Variants in BLNK observed in about 807,000 individuals in gnomAD.
BLNK encodes B-cell linker protein.
A neutral mutation model predicts 73.5 loss-of-function variants in BLNK; 29 were observed. The observed-to-expected ratio is 0.39, with a 90% CI of 0.29 to 0.54. The LOEUF (loss-of-function observed/expected upper bound fraction) is 0.54, where lower values mean the gene tolerates loss of function less well. Ranked by LOEUF, BLNK falls within the 20% of genes least tolerant of loss-of-function variation. The probability of loss-of-function intolerance (pLI) is 0.61; values close to 1 mark genes in which losing one functional copy is unlikely to be tolerated. For synonymous variants in BLNK, 176 were observed against 200.8 expected, an observed-to-expected ratio of 0.88 and a Z score of 1.04; for missense variants, 460 against 562.8, an observed-to-expected ratio of 0.82 and a Z score of 1.85.
chr10:96,234,697 A>T (rs1157054296), intron 3 of BLNK, among the ~76,000 whole-genome samples: 1 of 152,262 alleles, frequency 6.6e-6, no homozygotes, highest in Non-Finnish European at 1.5e-5. Context: ...TGTTACCGTC[A>T]TCTTGAGCAT....
chr10:96,231,367 G>C (rs976692251), intron 3 of BLNK, among the ~76,000 whole-genome samples: 1 of 152,166 alleles, frequency 6.6e-6, no homozygotes, highest in East Asian at 1.9e-4. Flanking sequence ...CAATGTCTTA[G>C]TATGTGCCAG....
At chr10:96,193,109 T>C (rs2083369538) in intron 16 of BLNK, among the ~76,000 whole-genome samples, 1 of 152,236 alleles carries the variant, frequency 6.6e-6, no homozygotes, top group African/African-American at 2.4e-5. Context: ...ATTGGCTAGC[T>C]GAATATTCAG....
intron 15 of BLNK, among the ~76,000 whole-genome samples, chr10:96,199,305 G>A (rs2083562608): frequency 6.6e-6 from 1 of 152,216 alleles, no homozygotes; most frequent in Admixed American, 6.5e-5. Flanking sequence ...GCTGTCCCTG[G>A]TGTTCCTACA....
intron 9 of BLNK, among the ~76,000 whole-genome samples, chr10:96,209,555 G>T (rs1363343378): frequency 1.3e-5 from 2 of 152,088 alleles, no homozygotes; most frequent in African/African-American, 4.8e-5. Context: ...ACCACGCCTG[G>T]CTAATTTTTG....
chr10:96,271,109 T>G (rs782437010), intron 1 of BLNK, among the ~76,000 whole-genome samples: 1 of 152,210 alleles, frequency 6.6e-6, no homozygotes, highest in Non-Finnish European at 1.5e-5. Context: ...TACACTTTAT[T>G]GTAAGAGGCA....
intron 8 of BLNK, among the ~76,000 whole-genome samples, chr10:96,213,044 C>A (rs1478787424): frequency 2.0e-5 from 3 of 152,184 alleles, no homozygotes. Context: ...TACAGCTATA[C>A]CAGGTTAATA....
chr10:96,189,604 A>G lies in BLNK; in HGVS notation c.*2369T>C. 2.9e-6 allele frequency: 2 copies of G among 693,638 alleles called. No homozygotes were observed. Among genetic ancestry groups the G allele is most frequent in the Non-Finnish European group, 5.4e-6 (2 of 372,430 alleles). 43.0% of individuals were successfully genotyped at this position (693,638 alleles called of 1,614,324 possible). A position where few individuals can be genotyped will look rare whatever the true frequency, so the allele number is the denominator to read the frequency against. On this transcript the variant is annotated 3_prime_UTR_variant, in exon 17 of 17. Coordinates refer to ENST00000224337, the MANE Select transcript of BLNK (RefSeq NM_013314.4). ...AATCTTGGTGTTGATGATGGGTTTGAGTGTTTTCTATTCTGATTTGACTTT... is the reference window on the plus strand; with the variant it reads ...AATCTTGGTGTTGATGATGGGTTTGGGTGTTTTCTATTCTGATTTGACTTT...
chr10:96,217,254 T>C (rs587682416), intron 6 of BLNK, among the ~76,000 whole-genome samples: 22 of 152,358 alleles, frequency 1.4e-4, no homozygotes, highest in African/African-American at 5.1e-4. Context: ...TTTTTGGCTG[T>C]AATGAATAAT....
Position 96,230,823 on chromosome 10 carries a change from C to T in BLNK, c.175G>A (p.Asp59Asn), listed in dbSNP as rs1842473544. The change falls in exon 4 of 17, where the codon GAC becomes AAC. Residue 59 changes from aspartate (D) to asparagine (N), a missense_variant. Physicochemically the swap from Asp to Asn is conservative, Grantham distance 23. Around this residue, in one of 3 missense-constraint regions of BLNK, gnomAD observed 139 missense variants for 187.3 expected, o/e 0.74. Transcript: ENST00000224337. ...TCATCGGACCACTGCTCCTCTTCGT[C>T]AGCAGGGCTCTCTGCAACAGCAGGG... The part of the protein sequence containing the change: ...RRDYASESPA[D>N]EEEQWSDDFD... The T allele has an allele frequency of 1.2e-6, 2 of 1,611,440 alleles. No homozygotes were observed. Among genetic ancestry groups the T allele is most frequent in the South Asian group, 1.1e-5 (1 of 90,160 alleles).
intron 3 of BLNK, among the ~76,000 whole-genome samples, chr10:96,241,775 G>T (rs1380027164): frequency 6.7e-6 from 1 of 149,614 alleles, no homozygotes; most frequent in Non-Finnish European, 1.5e-5. Flanking sequence ...CTGTTGCCCT[G>T]GCTGGATTGC....
intron 3 of BLNK, among the ~76,000 whole-genome samples, chr10:96,231,258 A>G (rs1323862199): frequency 4.6e-5 from 7 of 152,088 alleles, no homozygotes. Flanking sequence ...GACCTCTAAC[A>G]TCTCTGAGCC....
chr10:96,190,513 A>T lies in BLNK; in HGVS notation c.*1460T>A, dbSNP rs184328584. ...TGGCCTTATGGATTAGGACTTCAAC[A>T]TATCTTTTTGAGGGGACCACAGTTC... On this transcript the variant is annotated 3_prime_UTR_variant, in exon 17 of 17. Transcript: ENST00000224337. 6.6e-6 allele frequency among the ~76,000 whole-genome samples: 1 copy of T among 152,312 alleles called. No individual in the cohort carries two copies. Among genetic ancestry groups the T allele is most frequent in the East Asian group, 1.9e-4 (1 of 5,188 alleles).
At chr10:96,192,671 C>T (rs1372915607) in intron 16 of BLNK, among the ~76,000 whole-genome samples, 1 of 152,108 alleles carries the variant, frequency 6.6e-6, no homozygotes, top group African/African-American at 2.4e-5. Flanking sequence ...ATGCTAGGCT[C>T]TCTCCATACA....
rs149043414 is a variant in BLNK, at chr10:96,191,434, CAT to C, written c.*537_*538del. Among the ~76,000 whole-genome samples the C allele has an allele frequency of 7.3e-5, 11 of 150,380 alleles. No homozygotes were observed. The highest frequency in any genetic ancestry group is 1.9e-4 in the East Asian group (1 of 5,144). ...CAAGAACTTATAGAAAGTTCATATC[CAT>C]ATATATATATATCCCATGGTTGAGA... On this transcript the variant is annotated 3_prime_UTR_variant, in exon 17 of 17. Coordinates refer to ENST00000224337, the MANE Select transcript of BLNK (RefSeq NM_013314.4).
At chr10:96,198,969 G>A (rs1321819143) in intron 15 of BLNK, among the ~76,000 whole-genome samples, 1 of 152,196 alleles carries the variant, frequency 6.6e-6, no homozygotes, top group Non-Finnish European at 1.5e-5. Flanking sequence ...AAAGTGCTAG[G>A]ATTACAGGCA....
intron 5 of BLNK, among the ~76,000 whole-genome samples, chr10:96,226,702 G>A (rs7099899): frequency 0.12 from 18,940 of 152,034 alleles, 1,679 homozygotes; most frequent in East Asian, 0.44. Context: ...TTAGCCAGGC[G>A]TGGTGGTGGG....
intron 11 of BLNK, among the ~76,000 whole-genome samples, chr10:96,206,336 T>A (rs1460596229): frequency 6.6e-6 from 1 of 152,146 alleles, no homozygotes; most frequent in East Asian, 1.9e-4. Flanking sequence ...GATTCTTCTA[T>A]TTTTTTCCGG....
intron 1 of BLNK, among the ~76,000 whole-genome samples, chr10:96,268,071 A>G (rs1181724389): frequency 6.6e-6 from 1 of 152,126 alleles, no homozygotes; most frequent in Non-Finnish European, 1.5e-5. Flanking sequence ...AAAATGCCAT[A>G]CTCTTTAATC....
At chr10:96,206,979 A>G (rs1007412451) in intron 11 of BLNK, 32 bp downstream of exon 11, 3 of 1,603,460 alleles carry the variant, frequency 1.9e-6, no homozygotes, top group Non-Finnish European at 2.6e-6. Flanking sequence ...CTTTTAGAGG[A>G]CATGCTCATC....
Sources: allele counts gnomAD v4.1 joint callset (sites outside exome capture counted in the v4.1 genomes callset), GRCh38; gene constraint gnomAD v4.1.1; regional missense constraint gnomAD v4.1.1; transcripts MANE v1.5; gene names NCBI Gene and HGNC (gene_info 2026-07-23, HGNC 2026-07-21).